ADGRA1: variants seen among roughly 807,000 people sequenced by gnomAD.
ADGRA1 encodes adhesion G protein-coupled receptor A1.
Under a neutral mutation model 21.3 loss-of-function variants are expected in ADGRA1, and 12 were observed. That is an observed-to-expected ratio of 0.56 (90% CI 0.36 to 0.91). The LOEUF (loss-of-function observed/expected upper bound fraction) is 0.91. Ranked by LOEUF, ADGRA1 falls within the 40% of genes least tolerant of loss-of-function variation. The pLI is 0.01. For synonymous variants in ADGRA1, 385 were observed against 368.8 expected (o/e 1.04, Z -0.50); for missense variants, 790 against 805.6 (o/e 0.98, Z 0.23).
intron 2 of ADGRA1, among the ~76,000 whole-genome samples, chr10:133,091,599 G>C (rs929320263): frequency 6.6e-6 from 1 of 152,308 alleles, no homozygotes; most frequent in South Asian, 2.1e-4. Flanking sequence ...GCTCTCAAAG[G>C]GGACTCAACC....
rs1407179771 is a variant in ADGRA1, at chr10:133,128,845, C to T, written c.1017C>T (p.Gly339=). Residue 339 remains glycine (G), a synonymous_variant, in exon 7 of 7, where the codon GGC becomes GGT. Transcript: ENST00000392607. ...PALDANGAAL[G]RAACLHSPGL... The stretch of plus-strand genomic sequence containing the variant: ...TTGACGCCAACGGGGCCGCGCTGGG[C>T]CGCGCCGCCTGCCTGCACTCGCCGG... 6.3e-7 allele frequency: 1 copy of T among 1,588,490 alleles called. No homozygotes were observed. Among genetic ancestry groups the T allele is most frequent in the Non-Finnish European group, 8.5e-7 (1 of 1,170,858 alleles).
rs191443235 is a variant in ADGRA1, at chr10:133,102,662, C to T, written c.256-35C>T. 2.1e-5 allele frequency: 34 copies of T among 1,582,854 alleles called. No homozygotes were observed. The East Asian group carries it at 3.6e-4, about 17-fold the overall frequency. On this transcript the variant is annotated intron_variant, in intron 4 of 6. Transcript: ENST00000392607. ...TGCTGGGCTCTGGGGGGTGGGTGCCCGCCAAGGGCCTGGCTGACCGCTGCT... is the reference window on the plus strand; with the variant it reads ...TGCTGGGCTCTGGGGGGTGGGTGCCTGCCAAGGGCCTGGCTGACCGCTGCT...
rs1852481709 is a variant in ADGRA1, at chr10:133,129,893, G to A, written c.*382G>A. 5.1e-6 allele frequency: 1 copy of A among 196,904 alleles called. No individual in the cohort carries two copies. The highest frequency in any genetic ancestry group is 1.0e-5 in the Non-Finnish European group (1 of 96,010). 12.2% of individuals were successfully genotyped at this position (196,904 alleles called of 1,614,324 possible). The stretch of plus-strand genomic sequence containing the variant: ...AAGGACCCACTGAGACCCCAGCATG[G>A]CCCTGCCCGAGATGCCCTGCTGCCC... On this transcript the variant is annotated 3_prime_UTR_variant, in exon 7 of 7. Coordinates refer to ENST00000392607, the MANE Select transcript of ADGRA1 (RefSeq NM_001083909.3).
chr10:133,117,310 CA>C (rs1315106332), intron 5 of ADGRA1, among the ~76,000 whole-genome samples: 2 of 152,218 alleles, frequency 1.3e-5, no homozygotes, highest in African/African-American at 4.8e-5. Context: ...GACCTGTGCA[CA>C]CAGAGCAGGC....
intron 5 of ADGRA1, among the ~76,000 whole-genome samples, chr10:133,113,270 T>C (rs1008529168): frequency 1.3e-4 from 20 of 152,220 alleles, no homozygotes; most frequent in African/African-American, 4.1e-4. Flanking sequence ...ATTTGGGGTC[T>C]GTGGGCCGTG....
In ADGRA1 at chr10:133,129,876, A is replaced by C. The variant is rs544915997; in HGVS notation, c.*365A>C. 186 of 216,376 alleles carry C rather than the reference A, an allele frequency of 8.6e-4. 2 individuals carry two copies. Among genetic ancestry groups the C allele is most frequent in the South Asian group, 7.2e-3 (69 of 9,550 alleles). The allele number at this position is 216,376 out of a possible 1,614,324, so 13.4% of individuals were successfully genotyped here. On this transcript the variant is annotated 3_prime_UTR_variant, in exon 7 of 7. Transcript: ENST00000392607. ...AGCAGGGGATTCCATCAAAGGACCC[A>C]CTGAGACCCCAGCATGGCCCTGCCC...
At chr10:133,116,085 C>T (rs954558811) in intron 5 of ADGRA1, among the ~76,000 whole-genome samples, 5 of 151,378 alleles carry the variant, frequency 3.3e-5, no homozygotes, top group Admixed American at 1.3e-4. Flanking sequence ...CAGGGCTAGA[C>T]GCATGCCTGG....
chr10:133,090,343 C>G (rs1219573713), intron 2 of ADGRA1, among the ~76,000 whole-genome samples: 1 of 152,156 alleles, frequency 6.6e-6, no homozygotes, highest in Non-Finnish European at 1.5e-5. Context: ...CGGTCCCAGC[C>G]GGCCTGGCAG....
rs1014520661 is a variant in ADGRA1 at position 133,127,127 on chromosome 10, C to T, written c.402-106C>T. The T allele has an allele frequency of 1.8e-5, 12 of 655,576 alleles. No homozygotes were observed. In the East Asian group the frequency reaches 2.1e-4, roughly 11 times the overall value. 40.6% of individuals were successfully genotyped at this position (655,576 alleles called of 1,614,324 possible). A position where few individuals can be genotyped will look rare whatever the true frequency, so the allele number is the denominator to read the frequency against. ...GTTCTTGGTCTCCTCCTGCTCCGCC[C>T]GCACCCGCTGCTCTCCCTTGCCCCG... On this transcript the variant is annotated intron_variant, in intron 5 of 6. Transcript: ENST00000392607.
intron 3 of ADGRA1, among the ~76,000 whole-genome samples, chr10:133,098,190 G>A (rs1432856302): frequency 6.6e-6 from 1 of 152,142 alleles, no homozygotes; most frequent in East Asian, 1.9e-4. Context: ...GGGCATGGCC[G>A]GCTCAGCCCC....
intron 5 of ADGRA1, among the ~76,000 whole-genome samples, chr10:133,120,486 A>C (rs1852234251): frequency 1.3e-5 from 2 of 152,254 alleles, no homozygotes; most frequent in Non-Finnish European, 2.9e-5. Context: ...AACTTGCTGC[A>C]TCTTCTCCAT....
Position 133,128,866 on chromosome 10 carries a change from G to C in ADGRA1, c.1038G>C (p.Ser346=), listed in dbSNP as rs779913804. ...TGGGCCGCGCCGCCTGCCTGCACTCGCCGGGACTGGGCCAGCCACGGGGCT... is the reference window on the plus strand; with the variant it reads ...TGGGCCGCGCCGCCTGCCTGCACTCCCCGGGACTGGGCCAGCCACGGGGCT... The part of the protein sequence containing the change: ...AALGRAACLH[S]PGLGQPRGFA... The change falls in exon 7 of 7, where the codon TCG becomes TCC. Residue 346 remains serine (S), a synonymous_variant. Coordinates refer to ENST00000392607, the MANE Select transcript of ADGRA1 (RefSeq NM_001083909.3). The C allele has an allele frequency of 6.3e-7, 1 of 1,576,700 alleles. No homozygotes were observed. The highest frequency in any genetic ancestry group is 1.3e-5 in the African/African-American group (1 of 74,252).
chr10:133,114,041 A>G (rs1852110968), intron 5 of ADGRA1, among the ~76,000 whole-genome samples: 1 of 152,136 alleles, frequency 6.6e-6, no homozygotes, highest in Non-Finnish European at 1.5e-5. Context: ...CACCATGAGT[A>G]CCTCCGTCTC....
rs1564850018 is a variant in ADGRA1 at position 133,112,373 on chromosome 10, T to TAC, written c.401+9531_401+9532insAC. On this transcript the variant is annotated intron_variant, in intron 5 of 6. Coordinates refer to ENST00000392607, the MANE Select transcript of ADGRA1 (RefSeq NM_001083909.3). ...TCAGTTATTTGGGGTCTGCGGGCCG[T>TAC]GTCGGTTATTTGGGGTCTACGGGCC... Among the ~76,000 whole-genome samples, 15 of 121,320 alleles carry TAC rather than the reference T, an allele frequency of 1.2e-4. 1 individual carries two copies. In the South Asian group the frequency reaches 2.9e-3, roughly 24 times the overall value. The allele number at this position is 121,320 out of a possible 152,430, so 79.6% of individuals were successfully genotyped here. A position where few individuals can be genotyped will look rare whatever the true frequency, so the allele number is the denominator to read the frequency against.
chr10:133,109,946 G>A (rs898933567), intron 5 of ADGRA1, among the ~76,000 whole-genome samples: 2 of 152,174 alleles, frequency 1.3e-5, no homozygotes, highest in Non-Finnish European at 2.9e-5. Flanking sequence ...GGAAGGACTC[G>A]GGACTCAGCA....
rs1852529454 is a variant in ADGRA1 at position 133,131,655 on chromosome 10, C to T, written c.*2144C>T. The T allele has an allele frequency of 6.6e-6, 1 of 152,516 alleles. No individual in the cohort carries two copies. The highest frequency in any genetic ancestry group is 6.5e-5 in the Admixed American group (1 of 15,288). 9.4% of individuals were successfully genotyped at this position (152,516 alleles called of 1,614,324 possible). ...AGAAAGTCAACATTGAACATTAAAC[C>T]TCTGTGTGTTTCTATACTGACTTAG... On this transcript the variant is annotated 3_prime_UTR_variant, in exon 7 of 7. Coordinates refer to ENST00000392607, the MANE Select transcript of ADGRA1 (RefSeq NM_001083909.3).
chr10:133,128,178 C>G, intron 6 of ADGRA1, 151 bp from the exon 7 acceptor site: 1 of 578,318 alleles, frequency 1.7e-6, no homozygotes, highest in South Asian at 2.5e-5. Context: ...TCCACACTCT[C>G]AGCGACTCTA....
At chr10:133,116,697 C>T (rs1852166316) in intron 5 of ADGRA1, among the ~76,000 whole-genome samples, 1 of 152,086 alleles carries the variant, frequency 6.6e-6, no homozygotes. Flanking sequence ...GTGGGGATGC[C>T]ACCTGTGTGC....
rs547709545 is a variant in ADGRA1, at chr10:133,130,328, G to C, written c.*817G>C. 2.6e-5 allele frequency: 4 copies of C among 152,330 alleles called. No individual in the cohort carries two copies. The highest frequency in any genetic ancestry group is 9.6e-5 in the African/African-American group (4 of 41,566). 9.4% of individuals were successfully genotyped at this position (152,330 alleles called of 1,614,324 possible). A position where few individuals can be genotyped will look rare whatever the true frequency, so the allele number is the denominator to read the frequency against. ...CCCAGACATCCTTTAGTGAAGACTCGACTTCCAAAACCAGCCACCGCTGGG... is the reference window on the plus strand; with the variant it reads ...CCCAGACATCCTTTAGTGAAGACTCCACTTCCAAAACCAGCCACCGCTGGG... On this transcript the variant is annotated 3_prime_UTR_variant, in exon 7 of 7. Transcript: ENST00000392607.
Sources: allele counts gnomAD v4.1 joint callset (sites outside exome capture counted in the v4.1 genomes callset), GRCh38; gene constraint gnomAD v4.1.1; transcripts MANE v1.5; gene names NCBI Gene and HGNC (gene_info 2026-07-23, HGNC 2026-07-21).